Variants in FUT8 observed in about 807,000 individuals in gnomAD.
FUT8 encodes the protein alpha-(1,6)-fucosyltransferase.
In FUT8, 29 loss-of-function variants were observed where a neutral mutation model predicts 71.3. The observed-to-expected ratio is 0.41, with a 90% CI of 0.30 to 0.55. The LOEUF (loss-of-function observed/expected upper bound fraction) is 0.55, where lower values mean the gene tolerates loss of function less well. FUT8 is among the 20% of genes least tolerant of loss of function. FUT8 has a pLI of 0.34. For missense variants in FUT8, 544 were observed against 702.1 expected, an observed-to-expected ratio of 0.77 and a Z score of 2.55; for synonymous variants, 254 against 239.3, an observed-to-expected ratio of 1.06 and a Z score of -0.57.
chr14:65,557,739 G>A (rs1885671617), intron 2 of FUT8, among the ~76,000 whole-genome samples: 4 of 151,918 alleles, frequency 2.6e-5, no homozygotes, highest in Admixed American at 2.6e-4. Flanking sequence ...TTTGCAGAAG[G>A]GTACTTTGTG....
At chr14:65,460,158 A>G (rs2065950895) in intron 2 of FUT8, among the ~76,000 whole-genome samples, 1 of 152,200 alleles carries the variant, frequency 6.6e-6, no homozygotes, top group Non-Finnish European at 1.5e-5. Context: ...CTTTTAGGAC[A>G]AAGGAAATAG....
chr14:65,389,611 C>A, the FUT8 span, among the ~76,000 whole-genome samples: 1 of 151,976 alleles, frequency 6.6e-6, no homozygotes, highest in African/African-American at 2.4e-5. Flanking sequence ...CTGTGCCCAG[C>A]CCTGGCTAAT....
At chr14:65,687,563 G>C (rs1893355985) in intron 7 of FUT8, among the ~76,000 whole-genome samples, 1 of 152,082 alleles carries the variant, frequency 6.6e-6, no homozygotes, top group African/African-American at 2.4e-5. Context: ...AAATATATAT[G>C]TGCATATCTA....
chr14:65,464,707 A>C (rs1298526735), intron 2 of FUT8, among the ~76,000 whole-genome samples: 1 of 151,848 alleles, frequency 6.6e-6, no homozygotes, highest in Non-Finnish European at 1.5e-5. Flanking sequence ...AATATACTCT[A>C]CTTGGTCGTG....
chr14:65,441,937 A>G (rs2065664634), intron 1 of FUT8, among the ~76,000 whole-genome samples: 1 of 151,834 alleles, frequency 6.6e-6, no homozygotes, highest in Non-Finnish European at 1.5e-5. Flanking sequence ...TCCTAATGCT[A>G]TCCCTCCTCC....
intron 2 of FUT8, among the ~76,000 whole-genome samples, chr14:65,515,670 T>C (rs1882666155): frequency 6.6e-6 from 1 of 152,044 alleles, no homozygotes; most frequent in African/African-American, 2.4e-5. Flanking sequence ...ATTAGTGTTA[T>C]TGTTGAGTTT....
At chr14:65,417,494 G>A (rs7145500) in intron 1 of FUT8, among the ~76,000 whole-genome samples, 101,782 of 151,982 alleles carry the variant, frequency 0.67, 34,247 homozygotes, top group East Asian at 0.77. Flanking sequence ...TCCTTTTAAC[G>A]GAGGAAGAGC....
chr14:65,468,231 A>G, intron 2 of FUT8: 2 of 626,556 alleles, frequency 3.2e-6, no homozygotes, highest in Non-Finnish European at 6.0e-6. Context: ...TGTCTACAAT[A>G]TCACCTTTCT....
chr14:65,500,055 T>C (rs2066622352), intron 2 of FUT8, among the ~76,000 whole-genome samples: 1 of 152,172 alleles, frequency 6.6e-6, no homozygotes, highest in South Asian at 2.1e-4. Context: ...AACTTTAATG[T>C]GCATATGGGA....
chr14:65,562,955 A>C lies in FUT8; in HGVS notation c.203+1189A>C, dbSNP rs559086189. Among the ~76,000 whole-genome samples, 5 of 152,150 alleles carry C rather than the reference A, an allele frequency of 3.3e-5. No individual in the cohort carries two copies. In the East Asian group the frequency reaches 9.6e-4, roughly 29 times the overall value. ...TCACTGCCCTTCACTCTTTGTTTAG[A>C]ACTCGGATTTTTCCCTTTGTCTAGT... On this transcript the variant is annotated intron_variant, in intron 3 of 10. Coordinates refer to ENST00000673929, the MANE Select transcript of FUT8 (RefSeq NM_001371533.1).
chr14:65,518,560 C>G (rs1882861367), intron 2 of FUT8, among the ~76,000 whole-genome samples: 1 of 152,182 alleles, frequency 6.6e-6, no homozygotes, highest in Non-Finnish European at 1.5e-5. Flanking sequence ...CAGTCTCACT[C>G]TGTCGCCCAG....
At chr14:65,364,357 C>T in the FUT8 span, among the ~76,000 whole-genome samples, 1 of 152,230 alleles carries the variant, frequency 6.6e-6, no homozygotes. Flanking sequence ...GCACCCGCCA[C>T]CATGCCCAGC....
chr14:65,504,611 C>T (rs1016002847), intron 2 of FUT8, among the ~76,000 whole-genome samples: 2 of 152,140 alleles, frequency 1.3e-5, no homozygotes, highest in Non-Finnish European at 2.9e-5. Context: ...AAGCCAGGAA[C>T]CTGTTCTCTT....
chr14:65,720,069 C>T (rs1295249330), intron 7 of FUT8, among the ~76,000 whole-genome samples: 4 of 152,160 alleles, frequency 2.6e-5, no homozygotes, highest in Admixed American at 2.6e-4. Context: ...TCCCCTGGGC[C>T]CCAGGCAGGT....
intron 6 of FUT8, among the ~76,000 whole-genome samples, chr14:65,646,948 G>A (rs1891151787): frequency 6.6e-6 from 1 of 152,156 alleles, no homozygotes; most frequent in African/African-American, 2.4e-5. Flanking sequence ...TTGGATGTTT[G>A]TGTACTTGGA....
intron 7 of FUT8, among the ~76,000 whole-genome samples, chr14:65,706,403 G>A (rs151317750): frequency 2.6e-4 from 40 of 152,242 alleles, no homozygotes; most frequent in African/African-American, 8.7e-4. Context: ...GGGTTTCAGC[G>A]ATCTCCCCTT....
Position 65,634,578 on chromosome 14 carries a change from A to G in FUT8, c.597+4972A>G, listed in dbSNP as rs865972574. Among the ~76,000 whole-genome samples, 69 of 148,974 alleles carry G rather than the reference A, an allele frequency of 4.6e-4. No homozygotes were observed. The East Asian group carries it at 4.9e-3, about 11-fold the overall frequency. On this transcript the variant is annotated intron_variant, in intron 6 of 10. Coordinates refer to ENST00000673929, the MANE Select transcript of FUT8 (RefSeq NM_001371533.1). ...TGATCAATTAAAAAAAAAAAAAAAAAAAAGAAAAGGGTGTCCTTTCCCCAC... is the reference window on the plus strand; with the variant it reads ...TGATCAATTAAAAAAAAAAAAAAAAGAAAGAAAAGGGTGTCCTTTCCCCAC...
chr14:65,383,273 T>TC, the FUT8 span, among the ~76,000 whole-genome samples: 94 of 94,556 alleles, frequency 9.9e-4, 2 homozygotes, highest in South Asian at 7.0e-3. Context: ...TTCTTTTTTT[T>TC]TTTTTTTTTT....
At chr14:65,515,523 G>A (rs1246577060) in intron 2 of FUT8, among the ~76,000 whole-genome samples, 1 of 150,998 alleles carries the variant, frequency 6.6e-6, no homozygotes, top group Non-Finnish European at 1.5e-5. Flanking sequence ...AATGTTTTGT[G>A]GGCAGATATT....
Sources: gnomAD v4.1 joint callset for allele counts (sites outside exome capture counted in the v4.1 genomes callset) on GRCh38, gnomAD v4.1.1 for gene constraint, MANE v1.5 for transcripts, NCBI Gene and HGNC (gene_info 2026-07-23, HGNC 2026-07-21) for gene names.